The following GPD1L variants were observed in gnomAD, a reference collection of about 807,000 sequenced individuals.
GPD1L encodes glycerol-3-phosphate dehydrogenase 1-like protein.
In GPD1L, 17 loss-of-function variants were observed where a neutral mutation model predicts 32.9. That is an observed-to-expected ratio of 0.52 (90% CI 0.35 to 0.78). GPD1L has a LOEUF of 0.78. Among genes scored for constraint, GPD1L ranks in the 30% least tolerant of loss-of-function variants. The pLI is 0.01. For synonymous variants in GPD1L, 187 were observed against 165.9 expected (o/e 1.13, Z -0.98); for missense variants, 361 against 447.8 (o/e 0.81, Z 1.75).
At chr3:32,144,851 A>AC (rs1049170095) in intron 4 of GPD1L, among the ~76,000 whole-genome samples, 44 of 150,384 alleles carry the variant, frequency 2.9e-4, no homozygotes, top group East Asian at 1.3e-3. Flanking sequence ...ACACACACAC[A>AC]CACCACCACG....
chr3:32,107,563 T>C (rs947714288), intron 1 of GPD1L, among the ~76,000 whole-genome samples: 1 of 152,158 alleles, frequency 6.6e-6, no homozygotes, highest in Admixed American at 6.5e-5. Flanking sequence ...CAAGCCTTTT[T>C]TCATTGCTGT....
At chr3:32,108,753 C>T (rs1264364867) in intron 1 of GPD1L, among the ~76,000 whole-genome samples, 1 of 152,224 alleles carries the variant, frequency 6.6e-6, no homozygotes, top group Non-Finnish European at 1.5e-5. Context: ...CATTTTTCAA[C>T]CAACAACAGA....
chr3:32,121,727 A>G (rs1451361965), intron 1 of GPD1L, among the ~76,000 whole-genome samples: 4 of 127,684 alleles, frequency 3.1e-5, no homozygotes, highest in African/African-American at 1.4e-4. Context: ...ATATTTCTAT[A>G]TATATATTTC....
intron 4 of GPD1L, among the ~76,000 whole-genome samples, chr3:32,143,904 C>T (rs373685557): frequency 1.1e-4 from 16 of 152,142 alleles, no homozygotes; most frequent in Admixed American, 7.2e-4. Flanking sequence ...ATTGCTTCAG[C>T]GTGGGAGGTG....
chr3:32,167,455 T>G lies in GPD1L; in HGVS notation c.*1545T>G, dbSNP rs1183200296. ...GAATAACTACCTGTGGCATTGTTGG[T>G]TCTGAACTTTTACAGTTCAGGCCTG... On this transcript the variant is annotated 3_prime_UTR_variant, in exon 8 of 8. Coordinates refer to ENST00000282541, the MANE Select transcript of GPD1L (RefSeq NM_015141.4). 2 of 152,802 alleles carry G rather than the reference T, an allele frequency of 1.3e-5. No individual in the cohort carries two copies. The highest frequency in any genetic ancestry group is 4.8e-5 in the African/African-American group (2 of 41,592). The allele number at this position is 152,802 out of a possible 1,614,324, so 9.5% of individuals were successfully genotyped here. A position where few individuals can be genotyped will look rare whatever the true frequency, so the allele number is the denominator to read the frequency against.
intron 1 of GPD1L, among the ~76,000 whole-genome samples, chr3:32,107,721 C>G (rs1301532056): frequency 6.6e-6 from 1 of 152,200 alleles, no homozygotes; most frequent in East Asian, 1.9e-4. Context: ...TAGTTTTACT[C>G]TTTCAAGACT....
chr3:32,124,211 G>T (rs1245532011), intron 1 of GPD1L, among the ~76,000 whole-genome samples: 1 of 151,968 alleles, frequency 6.6e-6, no homozygotes, highest in Non-Finnish European at 1.5e-5. Flanking sequence ...GACTACAGGC[G>T]CACGCCACCA....
At position 32,108,302 on chromosome 3, in the gene GPD1L, G is replaced by A. The variant is rs552169753; in HGVS notation, c.47+1544G>A. 3.3e-5 allele frequency among the ~76,000 whole-genome samples: 5 copies of A among 152,212 alleles called. No individual in the cohort carries two copies. The South Asian group carries it at 1.0e-3, about 32-fold the overall frequency. On this transcript the variant is annotated intron_variant, in intron 1 of 7. Coordinates refer to ENST00000282541, the MANE Select transcript of GPD1L (RefSeq NM_015141.4). ...TGGGAGGCTGAGGCAGGGGGATCACGAGGTCAGGAGATTGAGACCACGGTG... is the reference window on the plus strand; with the variant it reads ...TGGGAGGCTGAGGCAGGGGGATCACAAGGTCAGGAGATTGAGACCACGGTG...
chr3:32,156,628 T>C (rs1358326262), intron 5 of GPD1L, among the ~76,000 whole-genome samples: 3 of 152,086 alleles, frequency 2.0e-5, no homozygotes, highest in South Asian at 2.1e-4. Context: ...TTTTTTTTCA[T>C]GTGAAGTATC....
intron 1 of GPD1L, among the ~76,000 whole-genome samples, chr3:32,123,280 T>G (rs1030920859): frequency 6.6e-6 from 1 of 152,106 alleles, no homozygotes; most frequent in African/African-American, 2.4e-5. Flanking sequence ...CAAAACCCAG[T>G]AGAATGAAAA....
At chr3:32,130,693 G>A (rs73824549) in intron 2 of GPD1L, among the ~76,000 whole-genome samples, 5,048 of 152,034 alleles carry the variant, frequency 0.033, 276 homozygotes, top group African/African-American at 0.12. Context: ...TCTGAAGGCC[G>A]GTTGCGGTGG....
rs530148424 is a variant in GPD1L at position 32,159,546 on chromosome 3, T to C, written c.853-22T>C. On this transcript the variant is annotated intron_variant, in intron 6 of 7. Coordinates refer to ENST00000282541, the MANE Select transcript of GPD1L (RefSeq NM_015141.4). The stretch of plus-strand genomic sequence containing the variant: ...TAGTCTTTACCATAGTTTTTTTAAA[T>C]ATATAATCCTTTGTTTTTAAGACCA... The C allele has an allele frequency of 5.0e-4, 655 of 1,316,712 alleles. 7 individuals carry two copies. In the South Asian group the frequency reaches 7.5e-3, roughly 15 times the overall value. 81.6% of individuals were successfully genotyped at this position (1,316,712 alleles called of 1,614,324 possible).
chr3:32,163,774 T>A (rs1575124237), intron 7 of GPD1L, among the ~76,000 whole-genome samples: 1 of 152,196 alleles, frequency 6.6e-6, no homozygotes, highest in East Asian at 1.9e-4. Context: ...CTTGTTAACA[T>A]CCCTTCCACA....
chr3:32,137,988 C>T (rs1700690818), intron 2 of GPD1L, among the ~76,000 whole-genome samples: 1 of 152,176 alleles, frequency 6.6e-6, no homozygotes, highest in South Asian at 2.1e-4. Flanking sequence ...AACATGTCAC[C>T]AGCCTGAAGA....
intron 7 of GPD1L, among the ~76,000 whole-genome samples, chr3:32,162,801 C>T (rs1171478583): frequency 6.6e-6 from 1 of 152,128 alleles, no homozygotes; most frequent in Non-Finnish European, 1.5e-5. Context: ...CACTCTGTCA[C>T]CCAGGCTGGA....
Position 32,165,827 on chromosome 3 carries a change from A to T in GPD1L, c.973A>T (p.Thr325Ser). The T allele has an allele frequency of 6.3e-7, 1 of 1,590,626 alleles. No homozygotes were observed. The highest frequency in any genetic ancestry group is 8.6e-7 in the Non-Finnish European group (1 of 1,158,592). ...KGLLDKFPLF[T>S]AVYQICYESR... is the part of the protein sequence containing the mutation. Reference sequence around the variant, plus strand: ...CCTCCCAACTAGGTTTCCATTGTTTACTGCAGTGTATCAGATCTGCTACGA... The same window carrying T: ...CCTCCCAACTAGGTTTCCATTGTTTTCTGCAGTGTATCAGATCTGCTACGA... Residue 325 changes from threonine (T) to serine (S), a missense_variant, in exon 8 of 8, where the codon ACT becomes TCT. Transcript: ENST00000282541.
At chr3:32,163,718 C>T (rs764997040) in intron 7 of GPD1L, among the ~76,000 whole-genome samples, 8 of 152,194 alleles carry the variant, frequency 5.3e-5, no homozygotes, top group Non-Finnish European at 1.0e-4. Flanking sequence ...AAGGATTAAA[C>T]AAGTTACTCG....
chr3:32,141,592 T>A (rs1700745009), intron 4 of GPD1L, among the ~76,000 whole-genome samples: 1 of 152,066 alleles, frequency 6.6e-6, no homozygotes, highest in South Asian at 2.1e-4. Context: ...AGAGGAGAAG[T>A]ATCACAAATA....
At chr3:32,164,346 A>T (rs1304097556) in intron 7 of GPD1L, among the ~76,000 whole-genome samples, 1 of 152,214 alleles carries the variant, frequency 6.6e-6, no homozygotes, top group Non-Finnish European at 1.5e-5. Flanking sequence ...TTATTCAACG[A>T]ATTCTCACGG....
Sources: allele counts gnomAD v4.1 joint callset (sites outside exome capture counted in the v4.1 genomes callset), GRCh38; gene constraint gnomAD v4.1.1; transcripts MANE v1.5; gene names NCBI Gene and HGNC (gene_info 2026-07-23, HGNC 2026-07-21).